Variants in ELMO1 observed in about 807,000 individuals in gnomAD.
ELMO1 encodes engulfment and cell motility 1, also known as engulfment and cell motility protein 1.
In ELMO1, 26 loss-of-function variants were observed where a neutral mutation model predicts 98.9. The ratio of observed to expected loss-of-function variants is 0.26; its 90% CI spans 0.19 to 0.36. ELMO1 has a LOEUF of 0.36. Ranked by LOEUF, ELMO1 falls within the 10% of genes least tolerant of loss-of-function variation. The pLI is 1.00. For synonymous variants in ELMO1, 346 were observed against 346.0 expected, an observed-to-expected ratio of 1.00 and a Z score of 0.00; for missense variants, 627 against 935.2, an observed-to-expected ratio of 0.67 and a Z score of 4.30.
chr7:36,914,364 T>C (rs779808944), intron 16 of ELMO1, among the ~76,000 whole-genome samples: 1 of 152,246 alleles, frequency 6.6e-6, no homozygotes, highest in Non-Finnish European at 1.5e-5. Context: ...AAACTAGTAC[T>C]ATATTAGAAA....
chr7:37,396,621 A>T (rs146705440), intron 1 of ELMO1, among the ~76,000 whole-genome samples: 59 of 152,328 alleles, frequency 3.9e-4, no homozygotes, highest in African/African-American at 1.3e-3. Flanking sequence ...ATAGGTATTC[A>T]TTTACCCTTA....
chr7:37,011,937 C>T (rs1037892068), intron 16 of ELMO1, among the ~76,000 whole-genome samples: 1 of 152,156 alleles, frequency 6.6e-6, no homozygotes, highest in Admixed American at 6.5e-5. Flanking sequence ...AGTTATAATC[C>T]TAAGGAAATT....
intron 20 of ELMO1, among the ~76,000 whole-genome samples, chr7:36,868,018 C>G (rs1424345218): frequency 6.6e-6 from 1 of 152,154 alleles, no homozygotes; most frequent in Admixed American, 6.5e-5. Context: ...TCAATTAGAT[C>G]AAGCTGATTT....
chr7:37,005,107 CAAAAAAAA>C (rs35665315), intron 16 of ELMO1, among the ~76,000 whole-genome samples: 5 of 38,284 alleles, frequency 1.3e-4, no homozygotes, highest in South Asian at 1.6e-3. Context: ...GGCTCTGTCT[CAAAAAAAA>C]AAAAAAAAAA....
chr7:37,170,421 C>T (rs1186759277), intron 13 of ELMO1, among the ~76,000 whole-genome samples: 3 of 152,198 alleles, frequency 2.0e-5, no homozygotes, highest in Non-Finnish European at 4.4e-5. Context: ...TAACCCTAGG[C>T]ACCAAATGGT....
At chr7:37,218,366 G>T (rs1793413943) in intron 10 of ELMO1, among the ~76,000 whole-genome samples, 1 of 152,098 alleles carries the variant, frequency 6.6e-6, no homozygotes, top group Non-Finnish European at 1.5e-5. Flanking sequence ...AGCAGAAACT[G>T]TCTTTTTCTT....
Position 36,934,436 on chromosome 7 carries a change from G to C in ELMO1, c.1438-39419C>G, listed in dbSNP as rs758009591. Among the ~76,000 whole-genome samples, 39 of 152,188 alleles carry C rather than the reference G, an allele frequency of 2.6e-4. 1 individual carries two copies. Among genetic ancestry groups the C allele is most frequent in the Non-Finnish European group, 2.9e-5 (2 of 68,034 alleles). ...CTCTAGTCCCCTCTCCCGGCACATA[G>C]CTCGGAGACCAAACCTGCTGAGAGT... On this transcript the variant is annotated intron_variant, in intron 16 of 21. Coordinates refer to ENST00000310758, the MANE Select transcript of ELMO1 (RefSeq NM_014800.11).
rs543165626 is a variant in ELMO1, at chr7:36,870,353, T to G, written c.1905+40A>C. On this transcript the variant is annotated intron_variant, in intron 20 of 21. Transcript: ENST00000310758. This position sits in a 1 kb window ranked among gnomAD's most constrained non-coding sequence, Gnocchi z 4.4. ...GGCTGGCTGCAGTTGCCGACCGCACTGGGCAAATAGAGCTATTTGCAATAA... is the reference window on the plus strand; with the variant it reads ...GGCTGGCTGCAGTTGCCGACCGCACGGGGCAAATAGAGCTATTTGCAATAA... 6.2e-7 allele frequency: 1 copy of G among 1,601,102 alleles called. No individual in the cohort carries two copies. Among genetic ancestry groups the G allele is most frequent in the African/African-American group, 1.3e-5 (1 of 74,740 alleles).
At chr7:37,142,486 C>T (rs1405288069) in intron 13 of ELMO1, among the ~76,000 whole-genome samples, 1 of 152,186 alleles carries the variant, frequency 6.6e-6, no homozygotes, top group Non-Finnish European at 1.5e-5. Context: ...TGGAAGCTTG[C>T]CCCAGACCTC....
In ELMO1 at chr7:37,281,151, G is replaced by A. The variant is rs547503887; in HGVS notation, c.193-9269C>T. Among the ~76,000 whole-genome samples the A allele has an allele frequency of 2.0e-5, 3 of 151,892 alleles. No individual in the cohort carries two copies. In the South Asian group the frequency reaches 6.2e-4, roughly 32 times the overall value. ...AGGAATGCAAAAACAAACATCGTAT[G>A]TCCTCACTGATATGTGGCAGCTAAG... On this transcript the variant is annotated intron_variant, in intron 4 of 21. Coordinates refer to ENST00000310758, the MANE Select transcript of ELMO1 (RefSeq NM_014800.11).
intron 16 of ELMO1, among the ~76,000 whole-genome samples, chr7:37,010,034 T>C (rs186599106): frequency 3.9e-5 from 6 of 152,232 alleles, no homozygotes; most frequent in Non-Finnish European, 7.4e-5. Flanking sequence ...AGAAAGGCAG[T>C]CTTCAAAATG....
At chr7:37,164,930 G>A (rs1331113888) in intron 13 of ELMO1, among the ~76,000 whole-genome samples, 3 of 151,768 alleles carry the variant, frequency 2.0e-5, no homozygotes, top group Non-Finnish European at 4.4e-5. Context: ...ACCTTGGGCA[G>A]TATGGCCATT....
intron 1 of ELMO1, among the ~76,000 whole-genome samples, chr7:37,382,708 C>G (rs1006090460): frequency 6.6e-6 from 1 of 152,014 alleles, no homozygotes; most frequent in Non-Finnish European, 1.5e-5. Context: ...CCCTGGGAAG[C>G]CTAAAACCCT....
chr7:37,326,736 A>C (rs948500797), intron 2 of ELMO1, among the ~76,000 whole-genome samples: 1 of 152,186 alleles, frequency 6.6e-6, no homozygotes, highest in African/African-American at 2.4e-5. Context: ...AAAAATCACT[A>C]AACTATGAAG....
chr7:36,930,458 A>G (rs1346723692), intron 16 of ELMO1, among the ~76,000 whole-genome samples: 1 of 152,198 alleles, frequency 6.6e-6, no homozygotes, highest in Non-Finnish European at 1.5e-5. Context: ...TTGAAGGTTC[A>G]TTTCTCTTAG....
chr7:36,861,854 G>T, intron 20 of ELMO1, 118 bp from the exon 21 acceptor site: 1 of 904,896 alleles, frequency 1.1e-6, no homozygotes, highest in Non-Finnish European at 1.8e-6. Context: ...AAGCGGAGCT[G>T]CAATGAGGCT....
chr7:36,973,751 G>T (rs561209565), intron 16 of ELMO1, among the ~76,000 whole-genome samples: 8 of 152,214 alleles, frequency 5.3e-5, no homozygotes, highest in Non-Finnish European at 1.2e-4. Context: ...GGAGGGAGAG[G>T]CGCGAGCGGG....
At chr7:37,113,117 A>G (rs542937174) in intron 14 of ELMO1, among the ~76,000 whole-genome samples, 2 of 152,382 alleles carry the variant, frequency 1.3e-5, no homozygotes, top group South Asian at 2.1e-4. Context: ...AGGCAGCTGC[A>G]TCCAGAGAGG....
intron 1 of ELMO1, among the ~76,000 whole-genome samples, chr7:37,387,325 G>A (rs1375668668): frequency 2.0e-5 from 3 of 152,220 alleles, no homozygotes; most frequent in African/African-American, 7.2e-5. Flanking sequence ...TGCTCCCTCT[G>A]AAAGCACTAG....
Sources: gnomAD v4.1 joint callset for allele counts (sites outside exome capture counted in the v4.1 genomes callset) on GRCh38, gnomAD v4.1.1 for gene constraint, Gnocchi (gnomAD v3.1) non-coding constraint, MANE v1.5 for transcripts, NCBI Gene and HGNC (gene_info 2026-07-23, HGNC 2026-07-21) for gene names.